GTF2E2: variants seen among roughly 807,000 people sequenced by gnomAD.
The protein encoded by GTF2E2 is general transcription factor IIE subunit 2.
Under a neutral mutation model 40.5 loss-of-function variants are expected in GTF2E2, and 21 were observed. The ratio of observed to expected loss-of-function variants is 0.52; its 90% CI spans 0.37 to 0.75. The LOEUF is 0.75. Ranked by LOEUF, GTF2E2 falls within the 30% of genes least tolerant of loss-of-function variation. GTF2E2 has a pLI of 0.00. For synonymous variants in GTF2E2, 117 were observed against 121.6 expected (o/e 0.96, Z 0.25); for missense variants, 298 against 338.4 (o/e 0.88, Z 0.94).
At chr8:30,645,523 G>A in intron 2 of GTF2E2, 2 of 1,535,584 alleles carry the variant, frequency 1.3e-6, no homozygotes, top group Non-Finnish European at 1.7e-6. Flanking sequence ...AACCGTGAAA[G>A]ACTTGAAAAG....
intron 6 of GTF2E2, among the ~76,000 whole-genome samples, chr8:30,584,138 C>T (rs960050226): frequency 1.3e-5 from 2 of 152,084 alleles, no homozygotes; most frequent in African/African-American, 4.8e-5. Flanking sequence ...GTTCAAACAT[C>T]CCAGCTCTAA....
chr8:30,653,718 C>A, intron 1 of GTF2E2, 116 bp from the exon 2 acceptor site: 1 of 681,466 alleles, frequency 1.5e-6, no homozygotes, highest in Non-Finnish European at 2.5e-6. Flanking sequence ...ATTATTAGTT[C>A]TCTAGCACTT....
At chr8:30,611,486 C>T (rs1345401466) in intron 5 of GTF2E2, among the ~76,000 whole-genome samples, 1 of 151,866 alleles carries the variant, frequency 6.6e-6, no homozygotes, top group Non-Finnish European at 1.5e-5. Flanking sequence ...CAAAATTCAG[C>T]AAAGAAACAG....
rs1829501131 is a variant in GTF2E2, at chr8:30,612,395, T to C, written c.453A>G (p.Leu151=). The change falls in exon 5 of 8, where the codon CTA becomes CTG. Residue 151 remains leucine, a synonymous_variant. Transcript: ENST00000355904. ...GGTCATGCTGATCTAAGAGCCTAAG[T>C]AGGGCCTTCTTATCTCTCACGTTGT... The part of the protein sequence containing the change: ...PKYNVRDKKA[L]LRLLDQHDQR... 1.9e-6 allele frequency: 3 copies of C among 1,610,582 alleles called. No individual in the cohort carries two copies. In the South Asian group the frequency reaches 3.3e-5, roughly 18 times the overall value.
intron 6 of GTF2E2, among the ~76,000 whole-genome samples, chr8:30,582,628 C>CT (rs2151105769): frequency 6.6e-6 from 1 of 152,298 alleles, no homozygotes; most frequent in South Asian, 2.1e-4. Flanking sequence ...TGTGGCCAGT[C>CT]TTTGTTTCCC....
At chr8:30,580,784 C>T (rs923130506) in intron 6 of GTF2E2, among the ~76,000 whole-genome samples, 7 of 152,060 alleles carry the variant, frequency 4.6e-5, no homozygotes, top group East Asian at 3.8e-4. Flanking sequence ...AAATAAGAAA[C>T]GTGTAGGGAG....
intron 3 of GTF2E2, among the ~76,000 whole-genome samples, chr8:30,634,185 T>C (rs182407823): frequency 6.2e-4 from 94 of 152,316 alleles, no homozygotes; most frequent in African/African-American, 2.3e-3. Flanking sequence ...TAGTGGCTCA[T>C]GCCTGAAAGC....
intron 3 of GTF2E2, among the ~76,000 whole-genome samples, chr8:30,617,989 T>C (rs947534096): frequency 7.9e-5 from 12 of 152,148 alleles, no homozygotes; most frequent in Non-Finnish European, 1.8e-4. Context: ...TTGTCTTTAA[T>C]TTCCATTTAA....
chr8:30,620,251 C>CACACACAT (rs1346270945), intron 3 of GTF2E2, among the ~76,000 whole-genome samples: 1 of 151,594 alleles, frequency 6.6e-6, no homozygotes, highest in Non-Finnish European at 1.5e-5. Context: ...CACACACACA[C>CACACACAT]ACACACAAAC....
At chr8:30,620,765 C>CAA (rs754974238) in intron 3 of GTF2E2, among the ~76,000 whole-genome samples, 4 of 131,130 alleles carry the variant, frequency 3.1e-5, no homozygotes, top group East Asian at 2.2e-4. Flanking sequence ...CTCGACTCCA[C>CAA]AAAAAAAAAA....
intron 2 of GTF2E2, among the ~76,000 whole-genome samples, chr8:30,636,663 C>T (rs139673179): frequency 1.6e-4 from 24 of 152,222 alleles, no homozygotes; most frequent in East Asian, 7.7e-4. Context: ...GTCAGGAAAT[C>T]GAGACCATCC....
At chr8:30,651,110 A>G (rs1048209768) in intron 2 of GTF2E2, among the ~76,000 whole-genome samples, 17 of 152,140 alleles carry the variant, frequency 1.1e-4, no homozygotes, top group Non-Finnish European at 2.2e-4. Context: ...TATCATGCGT[A>G]AGAGTGAAAA....
intron 2 of GTF2E2, among the ~76,000 whole-genome samples, chr8:30,644,864 G>A (rs1282321252): frequency 6.6e-6 from 1 of 151,688 alleles, no homozygotes; most frequent in Non-Finnish European, 1.5e-5. Flanking sequence ...AATCTTCCCG[G>A]CTTAGCCTCC....
chr8:30,644,895 C>A (rs534938528), intron 2 of GTF2E2, among the ~76,000 whole-genome samples: 307 of 152,008 alleles, frequency 2.0e-3, no homozygotes, highest in Non-Finnish European at 3.3e-3. Context: ...GGACTATAGG[C>A]ACACACCACC....
chr8:30,629,439 C>T (rs991161854), intron 3 of GTF2E2, among the ~76,000 whole-genome samples: 3 of 152,076 alleles, frequency 2.0e-5, no homozygotes, highest in Admixed American at 2.0e-4. Flanking sequence ...GTAATCCCAG[C>T]ACTTTGGGAG....
chr8:30,618,082 A>C (rs1015469192), intron 3 of GTF2E2, among the ~76,000 whole-genome samples: 1 of 152,142 alleles, frequency 6.6e-6, no homozygotes, highest in African/African-American at 2.4e-5. Flanking sequence ...ATGGATCTTG[A>C]GGCCAGGAGT....
At chr8:30,605,245 G>A (rs1177742410) in intron 6 of GTF2E2, among the ~76,000 whole-genome samples, 1 of 152,014 alleles carries the variant, frequency 6.6e-6, no homozygotes, top group Non-Finnish European at 1.5e-5. Context: ...GTTTGTTGAA[G>A]GCATCAAAGT....
Position 30,590,893 on chromosome 8 carries a change from G to A in GTF2E2, c.644-10497C>T, listed in dbSNP as rs756466482. 7.2e-5 allele frequency among the ~76,000 whole-genome samples: 11 copies of A among 152,202 alleles called. No homozygotes were observed. The South Asian group carries it at 8.3e-4, about 11-fold the overall frequency. ...TTTAGTAGAGACAGGGTTTTGCCAT[G>A]TTGGCCAAGCTGGTCTCGAACTCCT... On this transcript the variant is annotated intron_variant, in intron 6 of 7. Coordinates refer to ENST00000355904, the MANE Select transcript of GTF2E2 (RefSeq NM_002095.6).
intron 6 of GTF2E2, among the ~76,000 whole-genome samples, chr8:30,590,649 A>T (rs910916938): frequency 6.6e-6 from 1 of 152,178 alleles, no homozygotes; most frequent in Non-Finnish European, 1.5e-5. Flanking sequence ...CAAAAGCACA[A>T]GCAGCAAAAG....
Sources: allele counts gnomAD v4.1 joint callset (sites outside exome capture counted in the v4.1 genomes callset), GRCh38; gene constraint gnomAD v4.1.1; transcripts MANE v1.5; gene names NCBI Gene and HGNC (gene_info 2026-07-23, HGNC 2026-07-21).